GARRE1: variants seen among roughly 807,000 people sequenced by gnomAD.
GARRE1 encodes granule associated Rac and RHOG effector 1, also known as granule associated Rac and RHOG effector protein 1.
In GARRE1, 49 loss-of-function variants were observed where a neutral mutation model predicts 103.2. The observed-to-expected ratio is 0.47, with a 90% CI of 0.38 to 0.60. The LOEUF is 0.60. Among genes scored for constraint, GARRE1 ranks in the 20% least tolerant of loss-of-function variants. The pLI is 0.00. For missense variants in GARRE1, 1,199 were observed against 1,370.5 expected (o/e 0.87, Z 1.98); for synonymous variants, 505 against 532.8 (o/e 0.95, Z 0.72).
At position 34,354,814 on chromosome 19, in the gene GARRE1, C is replaced by T. The variant is rs538100658; in HGVS notation, c.*1859C>T. 6.5e-6 allele frequency: 1 copy of T among 152,764 alleles called. No homozygotes were observed. Among genetic ancestry groups the T allele is most frequent in the African/African-American group, 2.4e-5 (1 of 41,578 alleles). 9.5% of individuals were successfully genotyped at this position (152,764 alleles called of 1,614,324 possible). ...GTGTTGTCAGGCTCTTCCCAGGCCT[C>T]AGGTGTTGTCTTTTGTGCTGTGTGG... On this transcript the variant is annotated 3_prime_UTR_variant, in exon 14 of 14. Transcript: ENST00000299505.
intron 10 of GARRE1, among the ~76,000 whole-genome samples, chr19:34,347,180 C>T (rs1272048806): frequency 6.6e-6 from 1 of 152,072 alleles, no homozygotes; most frequent in Non-Finnish European, 1.5e-5. Flanking sequence ...CCTCTGCCGC[C>T]TGGGTTCAAG....
At chr19:34,303,647 A>G (rs1176735084) in intron 2 of GARRE1, among the ~76,000 whole-genome samples, 1 of 152,154 alleles carries the variant, frequency 6.6e-6, no homozygotes, top group Non-Finnish European at 1.5e-5. Context: ...ACGAAGTTTC[A>G]TCTTGTAGCC....
chr19:34,256,452 G>A (rs976902056), intron 1 of GARRE1, among the ~76,000 whole-genome samples: 6 of 151,100 alleles, frequency 4.0e-5, no homozygotes, highest in African/African-American at 1.5e-4. Flanking sequence ...CCCAGGAGGC[G>A]AAGGTTGCAG....
chr19:34,350,026 T>C (rs554083599), intron 12 of GARRE1, among the ~76,000 whole-genome samples: 1 of 152,342 alleles, frequency 6.6e-6, no homozygotes, highest in South Asian at 2.1e-4. Context: ...GCCACTGCAC[T>C]CTAGCCTGGG....
At chr19:34,350,484 C>T (rs1308313885) in intron 12 of GARRE1, among the ~76,000 whole-genome samples, 2 of 152,204 alleles carry the variant, frequency 1.3e-5, no homozygotes, top group Non-Finnish European at 2.9e-5. Context: ...TGGCCACATC[C>T]TGCCTTTTTC....
At chr19:34,324,009 C>T (rs1249857764) in intron 3 of GARRE1, among the ~76,000 whole-genome samples, 1 of 152,170 alleles carries the variant, frequency 6.6e-6, no homozygotes, top group Non-Finnish European at 1.5e-5. Context: ...TCTTCACAAC[C>T]ATCTTTTCTT....
chr19:34,282,568 T>G lies in GARRE1; in HGVS notation c.-795-17111T>G, dbSNP rs146352004. On this transcript the variant is annotated intron_variant, in intron 1 of 13. Transcript: ENST00000299505. ...ATTTCTTCTGAGGTCTGATCACCTT[T>G]TCATCTTAGTTGTCCTTTTTTGTCC... is the stretch of plus-strand genomic sequence containing the variant. Among the ~76,000 whole-genome samples, 240 of 152,336 alleles carry G rather than the reference T, an allele frequency of 1.6e-3. 2 individuals are homozygous for G. The highest frequency in any genetic ancestry group is 3.9e-3 in the African/African-American group (163 of 41,588).
Position 34,354,023 on chromosome 19 carries a change from A to T in GARRE1, c.*1068A>T, listed in dbSNP as rs1174431672. ...TTTCCAGCCAGAATGGATCCAGAAG[A>T]ATTGAATGGTGCTTAAATTGAGAAA... On this transcript the variant is annotated 3_prime_UTR_variant, in exon 14 of 14. Transcript: ENST00000299505. 1.3e-5 allele frequency: 2 copies of T among 152,614 alleles called. No individual in the cohort carries two copies. Among genetic ancestry groups the T allele is most frequent in the Non-Finnish European group, 2.9e-5 (2 of 68,040 alleles). 9.5% of individuals were successfully genotyped at this position (152,614 alleles called of 1,614,324 possible).
At chr19:34,279,034 A>G (rs1322801221) in intron 1 of GARRE1, among the ~76,000 whole-genome samples, 1 of 152,184 alleles carries the variant, frequency 6.6e-6, no homozygotes, top group African/African-American at 2.4e-5. Flanking sequence ...TTATCTATTC[A>G]TCTTCCATGG....
chr19:34,328,467 G>A (rs924915102), intron 6 of GARRE1, among the ~76,000 whole-genome samples: 2 of 150,006 alleles, frequency 1.3e-5, no homozygotes, highest in Non-Finnish European at 3.0e-5. Context: ...AGGTGGAGAT[G>A]GCAGTGAGCT....
chr19:34,330,256 C>T lies in GARRE1; in HGVS notation c.1172C>T (p.Pro391Leu), dbSNP rs1360925906. ...GGAATCACATCCAGGGATGATTTTC[C>T]TGTGACTGAAGTGCTGAACCAGGTT... ...YNGITSRDDF[P>L]VTEVLNQVCP... The change falls in exon 7 of 14, where the codon CCT becomes CTT. Residue 391 changes from proline to leucine, a missense_variant. By Grantham distance (98) the Pro-to-Leu change is moderately conservative. Transcript: ENST00000299505. 2 of 1,614,176 alleles carry T rather than the reference C, an allele frequency of 1.2e-6. No homozygotes were observed. Among genetic ancestry groups the T allele is most frequent in the Non-Finnish European group, 1.7e-6 (2 of 1,180,018 alleles).
At chr19:34,255,673 CTT>C (rs11307030) in intron 1 of GARRE1, among the ~76,000 whole-genome samples, 539 of 143,528 alleles carry the variant, frequency 3.8e-3, no homozygotes, top group African/African-American at 6.4e-3. Flanking sequence ...TTGATATGGT[CTT>C]TTTTTTTTTT....
intron 1 of GARRE1, among the ~76,000 whole-genome samples, chr19:34,275,704 T>C (rs1476073545): frequency 1.3e-5 from 2 of 152,236 alleles, no homozygotes; most frequent in Non-Finnish European, 2.9e-5. Context: ...TGTTGGTTTG[T>C]AGACATGTTT....
chr19:34,286,259 G>T (rs576542445), intron 1 of GARRE1, among the ~76,000 whole-genome samples: 16 of 152,298 alleles, frequency 1.1e-4, no homozygotes, highest in African/African-American at 3.6e-4. Flanking sequence ...TCGCTCTGTT[G>T]CCCAGGCTGG....
intron 1 of GARRE1, among the ~76,000 whole-genome samples, chr19:34,255,600 CG>C (rs2073666943): frequency 6.6e-6 from 1 of 151,536 alleles, no homozygotes; most frequent in Non-Finnish European, 1.5e-5. Flanking sequence ...ATTTAACCAC[CG>C]ATGAGCATTG....
At chr19:34,299,413 C>G (rs1238837445) in intron 1 of GARRE1, among the ~76,000 whole-genome samples, 1 of 152,118 alleles carries the variant, frequency 6.6e-6, no homozygotes, top group African/African-American at 2.4e-5. Context: ...GGATCCAGGC[C>G]CTGTTCAACG....
intron 2 of GARRE1, among the ~76,000 whole-genome samples, chr19:34,304,658 G>T (rs1249216509): frequency 3.3e-5 from 5 of 152,062 alleles, no homozygotes. Context: ...AATTACAGAG[G>T]TTAGCCACCA....
Position 34,300,085 on chromosome 19 carries a change from G to C in GARRE1, c.-389G>C, listed in dbSNP as rs1351897898. On this transcript the variant is annotated 5_prime_UTR_variant, in exon 2 of 14. Coordinates refer to ENST00000299505, the MANE Select transcript of GARRE1 (RefSeq NM_014686.5). ...TTTTTGGGTATATTGAAGACACAGT[G>C]TATTACATTATATTACATTTTTAAA... 1 of 171,422 alleles carries C rather than the reference G, an allele frequency of 5.8e-6. No individual in the cohort carries two copies. The highest frequency in any genetic ancestry group is 5.8e-5 in the Admixed American group (1 of 17,098). The allele number at this position is 171,422 out of a possible 1,614,324, so 10.6% of individuals were successfully genotyped here. A position where few individuals can be genotyped will look rare whatever the true frequency, so the allele number is the denominator to read the frequency against.
At chr19:34,293,098 C>T (rs898432585) in intron 1 of GARRE1, among the ~76,000 whole-genome samples, 5 of 152,118 alleles carry the variant, frequency 3.3e-5, no homozygotes, top group African/African-American at 9.7e-5. Flanking sequence ...CTGAAGTAAT[C>T]AGTTTTGATA....
Sources: gnomAD v4.1 joint callset for allele counts (sites outside exome capture counted in the v4.1 genomes callset) on GRCh38, gnomAD v4.1.1 for gene constraint, MANE v1.5 for transcripts, NCBI Gene and HGNC (gene_info 2026-07-23, HGNC 2026-07-21) for gene names.